PRKCQ: variants seen among roughly 807,000 people sequenced by gnomAD.
The protein encoded by PRKCQ is protein kinase C theta type.
PRKCQ carries 41 observed loss-of-function variants against 91.2 expected under a neutral mutation model. The observed-to-expected ratio is 0.45, with a 90% CI of 0.35 to 0.58. PRKCQ has a LOEUF of 0.58. Among genes scored for constraint, PRKCQ ranks in the 20% least tolerant of loss-of-function variants. The probability of loss-of-function intolerance (pLI) is 0.00; values close to 1 mark genes in which losing one functional copy is unlikely to be tolerated. For synonymous variants in PRKCQ, 307 were observed against 316.9 expected, an observed-to-expected ratio of 0.97 and a Z score of 0.33; for missense variants, 673 against 896.5, an observed-to-expected ratio of 0.75 and a Z score of 3.18.
chr10:6,430,958 G>A lies in PRKCQ; in HGVS notation c.1837-20C>T. 6.2e-7 allele frequency: 1 copy of A among 1,612,466 alleles called. No individual in the cohort carries two copies. Among genetic ancestry groups the A allele is most frequent in the Non-Finnish European group, 8.5e-7 (1 of 1,179,214 alleles). Reference sequence around the variant, plus strand: ...GAAGAGCTGAAAGGGAGCAGAGCAGGAGCCCTGAGGTCTCCAGGGATGACC... The same window carrying A: ...GAAGAGCTGAAAGGGAGCAGAGCAGAAGCCCTGAGGTCTCCAGGGATGACC... On this transcript the variant is annotated intron_variant, in intron 16 of 17. Coordinates refer to ENST00000263125, the MANE Select transcript of PRKCQ (RefSeq NM_006257.5). The surrounding 1 kb of genome is among the most constrained non-coding windows in gnomAD (Gnocchi z 4.7).
At chr10:6,424,995 C>T (rs554394690), downstream of PRKCQ, among the ~76,000 whole-genome samples, 9 of 152,302 alleles carry the variant, frequency 5.9e-5, no homozygotes, top group South Asian at 2.1e-4. Flanking sequence ...GACTGGCCCC[C>T]GCACTGCGTC....
chr10:6,431,043 A>C, intron 16 of PRKCQ, 105 bp from the exon 17 acceptor site: 2 of 1,383,084 alleles, frequency 1.4e-6, no homozygotes, highest in Non-Finnish European at 1.9e-6. Context: ...TTCTAACCTC[A>C]TTTTTCTACT....
At chr10:6,413,150 C>T in the PRKCQ span, among the ~76,000 whole-genome samples, 4 of 151,926 alleles carry the variant, frequency 2.6e-5, no homozygotes, top group African/African-American at 7.3e-5. Context: ...GACGGGGTTT[C>T]ACCATGTTAG....
At chr10:6,462,245 A>G in intron 14 of PRKCQ, 58 bp downstream of exon 14, 1 of 1,512,458 alleles carries the variant, frequency 6.6e-7, no homozygotes, top group Non-Finnish European at 9.2e-7. Flanking sequence ...CAATGATTAA[A>G]TTAACTGAGC....
chr10:6,510,800 C>T (rs1229603319), intron 3 of PRKCQ, among the ~76,000 whole-genome samples, 195 bp downstream of exon 3: 2 of 152,108 alleles, frequency 1.3e-5, no homozygotes, highest in Non-Finnish European at 2.9e-5. Context: ...TCAAAGAGAT[C>T]TGAAGATGTC....
At chr10:6,458,050 C>T (rs543692436) in intron 14 of PRKCQ, among the ~76,000 whole-genome samples, 17 of 152,030 alleles carry the variant, frequency 1.1e-4, no homozygotes, top group African/African-American at 1.7e-4. Flanking sequence ...AGCAAGCAGT[C>T]CTCCCACCTC....
At chr10:6,510,411 G>T (rs116438338) in intron 3 of PRKCQ, among the ~76,000 whole-genome samples, 14 of 152,158 alleles carry the variant, frequency 9.2e-5, no homozygotes, top group African/African-American at 1.7e-4. Flanking sequence ...TCAAAGTATA[G>T]AGAGAGAAGA....
intron 1 of PRKCQ, among the ~76,000 whole-genome samples, chr10:6,554,926 C>T (rs1197006295): frequency 1.3e-5 from 2 of 152,292 alleles, no homozygotes; most frequent in East Asian, 3.9e-4. Flanking sequence ...AGTACATAGA[C>T]ACCATGGAAC....
At chr10:6,531,138 C>G (rs1839377887) in intron 1 of PRKCQ, among the ~76,000 whole-genome samples, 1 of 152,114 alleles carries the variant, frequency 6.6e-6, no homozygotes, top group Non-Finnish European at 1.5e-5. Context: ...GCAGCCCCAC[C>G]CAGAGCTGCT....
chr10:6,432,761 CA>C (rs1453208880), intron 16 of PRKCQ, among the ~76,000 whole-genome samples: 4 of 152,170 alleles, frequency 2.6e-5, no homozygotes, highest in Admixed American at 2.0e-4. Context: ...CGCTGACTCA[CA>C]GGACCTTCCA....
chr10:6,407,440 C>CGCAT, the PRKCQ span, among the ~76,000 whole-genome samples: 1 of 149,772 alleles, frequency 6.7e-6, no homozygotes, highest in East Asian at 2.1e-4. This position sits in a 1 kb window ranked among gnomAD's most constrained non-coding sequence, Gnocchi z 4.0. Flanking sequence ...TACATGTGTG[C>CGCAT]GCATGCATGC....
At chr10:6,454,344 T>C (rs2065860079) in intron 15 of PRKCQ, among the ~76,000 whole-genome samples, 1 of 152,096 alleles carries the variant, frequency 6.6e-6, no homozygotes, top group South Asian at 2.1e-4. Flanking sequence ...GAGATGCTCA[T>C]GTTCTGCACT....
chr10:6,553,618 C>T (rs1033372339), intron 1 of PRKCQ, among the ~76,000 whole-genome samples: 3 of 151,544 alleles, frequency 2.0e-5, no homozygotes, highest in Admixed American at 6.6e-5. Flanking sequence ...TTCCTTCCTC[C>T]TCCTTCTCCT....
intron 8 of PRKCQ, among the ~76,000 whole-genome samples, chr10:6,488,004 CAAA>C (rs774276182): frequency 2.6e-5 from 3 of 113,268 alleles, no homozygotes; most frequent in Non-Finnish European, 3.6e-5. Context: ...GACTGTGTCT[CAAA>C]AAAAAAAAAA....
chr10:6,513,491 G>A (rs911679252), intron 2 of PRKCQ, among the ~76,000 whole-genome samples: 1 of 149,732 alleles, frequency 6.7e-6, no homozygotes, highest in Non-Finnish European at 1.5e-5. Context: ...AAATGTCAGG[G>A]AGACCTGAGA....
intron 1 of PRKCQ, among the ~76,000 whole-genome samples, chr10:6,569,801 G>A (rs1391508430): frequency 6.6e-6 from 1 of 152,164 alleles, no homozygotes; most frequent in East Asian, 1.9e-4. Context: ...AAAAGAGCAG[G>A]AGGAGAAAAC....
At chr10:6,543,933 A>G (rs142471428) in intron 1 of PRKCQ, among the ~76,000 whole-genome samples, 1,529 of 152,258 alleles carry the variant, frequency 0.01, 26 homozygotes, top group Non-Finnish European at 0.012. Context: ...TCCTGTTGTG[A>G]AAAGGAAAGA....
chr10:6,534,115 C>G (rs968649595), intron 1 of PRKCQ, among the ~76,000 whole-genome samples: 1 of 151,942 alleles, frequency 6.6e-6, no homozygotes, highest in African/African-American at 2.4e-5. Flanking sequence ...TTAAAAAGGG[C>G]AAATCCCCTA....
At chr10:6,552,460 C>CTTTTTTTT (rs59752400) in intron 1 of PRKCQ, among the ~76,000 whole-genome samples, 3 of 137,290 alleles carry the variant, frequency 2.2e-5, no homozygotes, top group Admixed American at 7.3e-5. Context: ...ACCTGTTAGT[C>CTTTTTTTT]TTTTTTTTTT....
Sources: gnomAD v4.1 joint callset for allele counts (sites outside exome capture counted in the v4.1 genomes callset) on GRCh38, gnomAD v4.1.1 for gene constraint, Gnocchi (gnomAD v3.1) non-coding constraint, MANE v1.5 for transcripts, NCBI Gene and HGNC (gene_info 2026-07-23, HGNC 2026-07-21) for gene names.